Variants in PEG3 observed in about 807,000 individuals in gnomAD.
PEG3 encodes the protein paternally-expressed gene 3 protein.
A neutral mutation model predicts 35.5 loss-of-function variants in PEG3; 23 were observed. The ratio of observed to expected loss-of-function variants is 0.65; its 90% CI spans 0.47 to 0.92. PEG3 has a LOEUF of 0.92. PEG3 is among the 40% of genes least tolerant of loss of function. The pLI is 0.00. For missense variants in PEG3, 1,960 were observed against 1,985.3 expected (o/e 0.99, Z 0.24); for synonymous variants, 707 against 697.0 (o/e 1.01, Z -0.23).
intron 2 of PEG3, among the ~76,000 whole-genome samples, chr19:56,830,112 A>G (rs2061438912): frequency 1.3e-5 from 2 of 152,242 alleles, no homozygotes; most frequent in Admixed American, 6.5e-5. Flanking sequence ...CCAACAGAAC[A>G]ACAGAGCACC....
chr19:56,834,093 C>T (rs1010489225), intron 2 of PEG3, among the ~76,000 whole-genome samples: 5 of 152,112 alleles, frequency 3.3e-5, no homozygotes, highest in African/African-American at 1.2e-4. Context: ...TTTAAAGAGA[C>T]AAAATGTCTT....
At chr19:56,826,856 T>C (rs1237484822) in intron 2 of PEG3, among the ~76,000 whole-genome samples, 2 of 152,170 alleles carry the variant, frequency 1.3e-5, no homozygotes, top group Non-Finnish European at 2.9e-5. Flanking sequence ...CATTCCCTTA[T>C]GTAAGATCTA....
intron 7 of PEG3, among the ~76,000 whole-genome samples, chr19:56,819,282 G>A (rs2060259870): frequency 1.3e-5 from 2 of 152,222 alleles, no homozygotes; most frequent in Admixed American, 1.3e-4. Context: ...TGGCTACATT[G>A]AGGGAGTCTC....
Position 56,815,667 on chromosome 19 carries a change from G to A in PEG3, c.2775C>T (p.Pro925=), listed in dbSNP as rs1282843905. The change falls in exon 10 of 10, where the codon CCC becomes CCT. Residue 925 remains proline, a synonymous_variant. Transcript: ENST00000326441. The part of the protein sequence containing the change: ...EFKKDGEFSV[P]SSNVREYQKA... ...TCTGGTATTCACGGACATTTGAGCT[G>A]GGAACAGAGAATTCGCCATCCTTCT... is the stretch of plus-strand genomic sequence containing the variant. The A allele has an allele frequency of 2.5e-6, 4 of 1,613,978 alleles. No homozygotes were observed. Among genetic ancestry groups the A allele is most frequent in the Non-Finnish European group, 3.4e-6 (4 of 1,179,990 alleles).
At chr19:56,834,046 T>C (rs935231333) in intron 2 of PEG3, among the ~76,000 whole-genome samples, 1 of 152,228 alleles carries the variant, frequency 6.6e-6, no homozygotes, top group South Asian at 2.1e-4. Context: ...TTCAGTCTTA[T>C]GACCAGCACA....
intron 1 of PEG3, among the ~76,000 whole-genome samples, chr19:56,836,357 T>G (rs1026626032): frequency 1.3e-5 from 2 of 152,166 alleles, no homozygotes; most frequent in Admixed American, 6.5e-5. Context: ...ATTTCTGGGG[T>G]GTCTTACAAC....
At chr19:56,838,194 A>C (rs2062417174) in intron 1 of PEG3, among the ~76,000 whole-genome samples, 1 of 152,182 alleles carries the variant, frequency 6.6e-6, no homozygotes, top group African/African-American at 2.4e-5. Context: ...CATTCAAACC[A>C]GTGCCTGTGT....
intron 1 of PEG3, among the ~76,000 whole-genome samples, chr19:56,837,070 T>G (rs867991302): frequency 2.1e-4 from 32 of 151,380 alleles, no homozygotes; most frequent in African/African-American, 7.5e-4. Flanking sequence ...ACAAAAGGGC[T>G]GACTTAAGAT....
chr19:56,815,433 T>C lies in PEG3; in HGVS notation c.3009A>G (p.Glu1003=). 1 of 1,614,114 alleles carries C rather than the reference T, an allele frequency of 6.2e-7. No individual in the cohort carries two copies. Among genetic ancestry groups the C allele is most frequent in the Non-Finnish European group, 8.5e-7 (1 of 1,179,954 alleles). The stretch of plus-strand genomic sequence containing the variant: ...GGGCCAAGCTGCGAATGACAGACCA[T>C]TCATAGTTTCTGCTTCCAGAGGGCT... ...REKPSGSRNY[E]WSVIRSLAPT... Residue 1003 remains glutamate, a synonymous_variant, in exon 10 of 10, where the codon GAA becomes GAG. Coordinates refer to ENST00000326441, the MANE Select transcript of PEG3 (RefSeq NM_006210.3).
In PEG3 at chr19:56,824,484, C is replaced by A. The variant is rs140343570; in HGVS notation, c.172G>T (p.Val58Phe). The change falls in exon 4 of 10, where the codon GTT becomes TTT. Residue 58 changes from valine (V) to phenylalanine (F), a missense_variant. Val to Phe is a conservative substitution (Grantham distance 50). Around this residue, in one of 5 missense-constraint regions of PEG3, gnomAD observed 613 missense variants for 577.1 expected, o/e 1.06. Coordinates refer to ENST00000326441, the MANE Select transcript of PEG3 (RefSeq NM_006210.3). Reference protein sequence around the residue: ...RFRNLIYVEFVGPRKTLIKLR... With the variant: ...RFRNLIYVEFFGPRKTLIKLR... ...TTGATCAGGGTCTTCCGAGGCCCAA[C>A]AAATTCCACATAGATTAGGTTCCGA... is the stretch of plus-strand genomic sequence containing the variant. 6.8e-6 allele frequency: 11 copies of A among 1,613,992 alleles called. No individual in the cohort carries two copies. The highest frequency in any genetic ancestry group is 2.7e-5 in the African/African-American group (2 of 74,908).
Position 56,813,704 on chromosome 19 carries a change from C to A in PEG3, c.4738G>T (p.Ala1580Ser), listed in dbSNP as rs139998398. The A allele has an allele frequency of 6.2e-7, 1 of 1,613,648 alleles. No individual in the cohort carries two copies. The highest frequency in any genetic ancestry group is 8.5e-7 in the Non-Finnish European group (1 of 1,179,706). Residue 1580 changes from alanine (A) to serine (S), a missense_variant, in exon 10 of 10, where the codon GCC (alanine) becomes TCC (serine). Around this residue, in one of 5 missense-constraint regions of PEG3, gnomAD observed 416 missense variants for 416.7 expected, o/e 1.00. Coordinates refer to ENST00000326441, the MANE Select transcript of PEG3 (RefSeq NM_006210.3). ...GQLFNDRLSL[A>S]RHQNTHTG ...CCAGTGTGGGTATTCTGGTGTCTGGCGAGGGACAGGCGGTCATTGAAGAGC... is the reference window on the plus strand; with the variant it reads ...CCAGTGTGGGTATTCTGGTGTCTGGAGAGGGACAGGCGGTCATTGAAGAGC...
intron 6 of PEG3, 39 bp from the exon 7 acceptor site, chr19:56,821,793 G>A (rs776990904): frequency 6.2e-7 from 1 of 1,608,820 alleles, no homozygotes; most frequent in Non-Finnish European, 8.5e-7. Flanking sequence ...GCAGGGCCCA[G>A]TCCATCCTGC....
intron 6 of PEG3, 164 bp downstream of exon 6, chr19:56,822,589 G>A: frequency 4.7e-6 from 4 of 842,824 alleles, no homozygotes. Context: ...TGGTGGTACC[G>A]AGTGGAACTT....
rs1170134529 is a variant in PEG3, at chr19:56,815,367, A to G, written c.3075T>C (p.Ala1025=). The G allele has an allele frequency of 1.2e-6, 2 of 1,614,054 alleles. No homozygotes were observed. Among genetic ancestry groups the G allele is most frequent in the Admixed American group, 1.7e-5 (1 of 60,006 alleles). ...PQTSYAQEQY[A]KEQARNKCKD... ...TACATTTGTTCCGCGCTTGCTCTTT[A>G]GCATACTGCTCTTGGGCGTAACTTG... Residue 1025 remains alanine (A), a synonymous_variant, in exon 10 of 10, where the codon GCT becomes GCC. Coordinates refer to ENST00000326441, the MANE Select transcript of PEG3 (RefSeq NM_006210.3).
At chr19:56,822,703 C>A (rs1288832236) in intron 6 of PEG3, 50 bp downstream of exon 6, 49 of 1,604,846 alleles carry the variant, frequency 3.1e-5, no homozygotes, top group Non-Finnish European at 3.9e-5. Context: ...AACCTGTGCA[C>A]AGCACATGCT....
rs1267089396 is a variant in PEG3, at chr19:56,817,285, C to T, written c.1157G>A (p.Arg386Lys). 6.2e-7 allele frequency: 1 copy of T among 1,614,168 alleles called. No individual in the cohort carries two copies. Among genetic ancestry groups the T allele is most frequent in the South Asian group, 1.1e-5 (1 of 91,082 alleles). The stretch of plus-strand genomic sequence containing the variant: ...ATAGCGCCTCTTTCTTTCAAGAACT[C>T]TCTTTCTGGAAACAAGGGTTGAATT... The part of the protein sequence containing the change: ...RFNSTLVSRK[R>K]VLERKRRYHF... Residue 386 changes from arginine (R) to lysine (K), a missense_variant, in exon 10 of 10, where the codon AGA (arginine) becomes AAA (lysine). By Grantham distance (26) the Arg-to-Lys change is conservative. Transcript: ENST00000326441.
intron 2 of PEG3, among the ~76,000 whole-genome samples, chr19:56,833,915 G>T (rs1159883189): frequency 6.6e-6 from 1 of 152,004 alleles, no homozygotes; most frequent in Non-Finnish European, 1.5e-5. Context: ...TCAACATCCT[G>T]GGCTTATTTC....
At position 56,816,685 on chromosome 19, in the gene PEG3, A is replaced by G. The variant is rs745909545; in HGVS notation, c.1757T>C (p.Phe586Ser). Residue 586 changes from phenylalanine to serine, a missense_variant, in exon 10 of 10, where the codon TTT (phenylalanine) becomes TCT (serine). Transcript: ENST00000326441. ...ACGCTCATTATCTTTGTCATCCCCA[A>G]AGTGGATTTTCTGGTGCTCAATCAG... ...SALIEHQKIH[F>S]GDDKDNEREH... 1 of 1,614,080 alleles carries G rather than the reference A, an allele frequency of 6.2e-7. No individual in the cohort carries two copies. The highest frequency in any genetic ancestry group is 8.5e-7 in the Non-Finnish European group (1 of 1,179,986).
rs377656551 is a variant in PEG3 at position 56,824,248 on chromosome 19, G to A, written c.394+14C>T. 36 of 1,611,352 alleles carry A rather than the reference G, an allele frequency of 2.2e-5. 1 individual carries two copies. Among genetic ancestry groups the A allele is most frequent in the Middle Eastern group, 1.8e-4 (1 of 5,606 alleles). ...GGCCTGCACTGACCACCAACACCCCGTGGAGACTCTCACCTTCTGGTTGGT... is the reference window on the plus strand; with the variant it reads ...GGCCTGCACTGACCACCAACACCCCATGGAGACTCTCACCTTCTGGTTGGT... On this transcript the variant is annotated intron_variant, in intron 4 of 9. Coordinates refer to ENST00000326441, the MANE Select transcript of PEG3 (RefSeq NM_006210.3).
Sources: gnomAD v4.1 joint callset for allele counts (sites outside exome capture counted in the v4.1 genomes callset) on GRCh38, gnomAD v4.1.1 for gene constraint, gnomAD v4.1.1 regional missense constraint, MANE v1.5 for transcripts, NCBI Gene and HGNC (gene_info 2026-07-23, HGNC 2026-07-21) for gene names.